Variants in PLPP1 observed in about 807,000 individuals in gnomAD.
PLPP1 encodes phospholipid phosphatase 1.
Under a neutral mutation model 31.2 loss-of-function variants are expected in PLPP1, and 24 were observed. The observed-to-expected ratio is 0.77, with a 90% CI of 0.56 to 1.08. The LOEUF (loss-of-function observed/expected upper bound fraction) is 1.08. Ranked by LOEUF, PLPP1 falls within the 50% of genes least tolerant of loss-of-function variation. The probability of loss-of-function intolerance (pLI) is 0.00; values close to 1 mark genes in which losing one functional copy is unlikely to be tolerated. For missense variants in PLPP1, 319 were observed against 342.7 expected (o/e 0.93, Z 0.55); for synonymous variants, 146 against 126.3 (o/e 1.16, Z -1.05).
At chr5:55,530,062 T>C (rs1740608589) in intron 1 of PLPP1, 1 of 689,460 alleles carries the variant, frequency 1.5e-6, no homozygotes, top group Non-Finnish European at 2.6e-6. Context: ...CTTTTATTAA[T>C]ATACACATCA....
At chr5:55,517,396 C>T (rs538077115) in intron 1 of PLPP1, among the ~76,000 whole-genome samples, 2 of 152,114 alleles carry the variant, frequency 1.3e-5, no homozygotes, top group African/African-American at 4.8e-5. Context: ...AAGGTTTTGC[C>T]ATGTTGCCCA....
At chr5:55,532,475 G>A (rs1216758948) in intron 1 of PLPP1, among the ~76,000 whole-genome samples, 1 of 152,022 alleles carries the variant, frequency 6.6e-6, no homozygotes, top group East Asian at 1.9e-4. Context: ...ATTTTTTTCT[G>A]ATCGAACATT....
chr5:55,472,636 C>CA (rs2111801235), intron 2 of PLPP1, among the ~76,000 whole-genome samples: 1 of 113,848 alleles, frequency 8.8e-6, no homozygotes, highest in South Asian at 3.4e-4. Context: ...AAGAAAGAGA[C>CA]AGAGAGAGAG....
chr5:55,434,330 A>T (rs1751442055), intron 4 of PLPP1, among the ~76,000 whole-genome samples: 1 of 152,140 alleles, frequency 6.6e-6, no homozygotes, highest in Admixed American at 6.5e-5. Flanking sequence ...CAGAAGAATT[A>T]ATATGGTTAA....
intron 3 of PLPP1, among the ~76,000 whole-genome samples, chr5:55,459,761 C>G (rs1399430451): frequency 6.6e-6 from 1 of 152,124 alleles, no homozygotes; most frequent in Non-Finnish European, 1.5e-5. Context: ...CATTTACATG[C>G]AGATTTTCTT....
At chr5:55,458,487 C>T (rs1375012532) in intron 3 of PLPP1, among the ~76,000 whole-genome samples, 1 of 149,414 alleles carries the variant, frequency 6.7e-6, no homozygotes, top group African/African-American at 2.5e-5. Context: ...ACCAAAAAAA[C>T]AGATAACATG....
chr5:55,523,080 A>T (rs7708163), intron 1 of PLPP1, among the ~76,000 whole-genome samples: 128,059 of 151,340 alleles, frequency 0.85, 54,507 homozygotes, highest in South Asian at 0.92. Context: ...CCCTCTCCAT[A>T]TTTTTTTTAC....
At chr5:55,522,173 G>C (rs1484759062) in intron 1 of PLPP1, among the ~76,000 whole-genome samples, 6 of 152,200 alleles carry the variant, frequency 3.9e-5, no homozygotes, top group Admixed American at 2.6e-4. Context: ...AGGTCACTCT[G>C]AACTCCATAC....
intron 4 of PLPP1, among the ~76,000 whole-genome samples, chr5:55,439,042 T>C (rs1751561867): frequency 6.6e-6 from 1 of 152,246 alleles, no homozygotes. Flanking sequence ...ATGGTTGCTC[T>C]GGCCTGCTTT....
chr5:55,511,380 T>C (rs1753403262), intron 1 of PLPP1, among the ~76,000 whole-genome samples: 1 of 152,094 alleles, frequency 6.6e-6, no homozygotes, highest in South Asian at 2.1e-4. Flanking sequence ...ACCAAATACA[T>C]ACAGTGAAAT....
rs112458891 is a variant in PLPP1, at chr5:55,526,577, C to T, written c.58+7995G>A. Reference sequence around the variant, plus strand: ...CTAGAATAGAGAAAAACAACAACAACGACAACAAACAGAAAAACAAGTAAA... The same window carrying T: ...CTAGAATAGAGAAAAACAACAACAATGACAACAAACAGAAAAACAAGTAAA... On this transcript the variant is annotated intron_variant, in intron 1 of 5. Coordinates refer to ENST00000307259, the MANE Select transcript of PLPP1 (RefSeq NM_003711.4). Among the ~76,000 whole-genome samples the T allele has an allele frequency of 4.2e-3, 632 of 151,776 alleles. 1 individual carries two copies. Among genetic ancestry groups the T allele is most frequent in the African/African-American group, 0.014 (578 of 41,402 alleles).
chr5:55,488,522 T>C (rs1752821333), intron 1 of PLPP1, among the ~76,000 whole-genome samples: 2 of 152,060 alleles, frequency 1.3e-5, no homozygotes, highest in Admixed American at 6.5e-5. Context: ...TGTGTGTGCC[T>C]GTAGTCCCAG....
chr5:55,508,286 G>A (rs1319820644), intron 1 of PLPP1, among the ~76,000 whole-genome samples: 1 of 152,146 alleles, frequency 6.6e-6, no homozygotes, highest in Non-Finnish European at 1.5e-5. Context: ...ATTCTCTTTG[G>A]CCCTGATGGA....
intron 1 of PLPP1, among the ~76,000 whole-genome samples, chr5:55,532,219 T>C (rs1263774311): frequency 1.3e-5 from 2 of 152,234 alleles, no homozygotes; most frequent in East Asian, 1.9e-4. Flanking sequence ...TCCTCCATTA[T>C]ATGTGATTTT....
chr5:55,468,194 C>T (rs1379348936), intron 2 of PLPP1, 45 bp from the exon 3 acceptor site: 40 of 1,463,598 alleles, frequency 2.7e-5, no homozygotes, highest in Non-Finnish European at 3.5e-5. Context: ...AGCAAGCAGG[C>T]ACTTTAAACA....
At chr5:55,459,632 G>C (rs966600441) in intron 3 of PLPP1, among the ~76,000 whole-genome samples, 1 of 152,170 alleles carries the variant, frequency 6.6e-6, no homozygotes, top group Admixed American at 6.5e-5. Context: ...ATTAGAAATC[G>C]ATGACAGAAA....
chr5:55,478,001 G>T (rs1317905658), intron 1 of PLPP1, among the ~76,000 whole-genome samples: 3 of 150,998 alleles, frequency 2.0e-5, no homozygotes, highest in Admixed American at 1.3e-4. Flanking sequence ...AAGAAAGAAA[G>T]AAAGAAAGAA....
At chr5:55,474,158 A>G (rs1255472808) in intron 2 of PLPP1, among the ~76,000 whole-genome samples, 1 of 151,754 alleles carries the variant, frequency 6.6e-6, no homozygotes, top group Non-Finnish European at 1.5e-5. Context: ...CACCACACCC[A>G]GCTAATTTTT....
At chr5:55,508,167 T>C (rs532251703) in intron 1 of PLPP1, among the ~76,000 whole-genome samples, 34 of 152,318 alleles carry the variant, frequency 2.2e-4, no homozygotes, top group Non-Finnish European at 4.9e-4. Context: ...CTAATAATTC[T>C]TGACAGAAGG....
Sources: allele counts gnomAD v4.1 joint callset (sites outside exome capture counted in the v4.1 genomes callset), GRCh38; gene constraint gnomAD v4.1.1; transcripts MANE v1.5; gene names NCBI Gene and HGNC (gene_info 2026-07-23, HGNC 2026-07-21).